SLC8A1: variants seen among roughly 807,000 people sequenced by gnomAD.
The protein encoded by SLC8A1 is sodium/calcium exchanger 1.
SLC8A1 carries 18 observed loss-of-function variants against 68.3 expected under a neutral mutation model. The observed-to-expected ratio is 0.26, with a 90% confidence interval of 0.18 to 0.39. The LOEUF is 0.39. SLC8A1 is among the 10% of genes least tolerant of loss of function. SLC8A1 has a pLI of 1.00. For synonymous variants in SLC8A1, 475 were observed against 415.5 expected, an observed-to-expected ratio of 1.14 and a Z score of -1.74; for missense variants, 985 against 1,156.7, an observed-to-expected ratio of 0.85 and a Z score of 2.15.
chr2:40,241,081 A>G (rs113822062), intron 2 of SLC8A1, among the ~76,000 whole-genome samples: 2,252 of 152,310 alleles, frequency 0.015, 61 homozygotes, highest in African/African-American at 0.05. Context: ...CACAATAGCA[A>G]AGGCATGGAA....
chr2:40,457,982 G>A (rs1359586742), intron 1 of SLC8A1, among the ~76,000 whole-genome samples: 1 of 152,154 alleles, frequency 6.6e-6, no homozygotes, highest in Non-Finnish European at 1.5e-5. Flanking sequence ...ACTGAAAGCT[G>A]GGTCCTACCC....
chr2:40,352,687 C>G (rs1009169724), intron 2 of SLC8A1, among the ~76,000 whole-genome samples: 2 of 152,228 alleles, frequency 1.3e-5, no homozygotes, highest in African/African-American at 4.8e-5. Context: ...AGTCGGCCTA[C>G]TCAGCCTCTT....
intron 1 of SLC8A1, among the ~76,000 whole-genome samples, chr2:40,506,030 C>T (rs1024402140): frequency 2.4e-4 from 37 of 151,582 alleles, no homozygotes; most frequent in Non-Finnish European, 4.4e-4. Context: ...CAGAATTTCT[C>T]AGAGCTAGTC....
intron 1 of SLC8A1, among the ~76,000 whole-genome samples, chr2:40,431,508 C>G (rs927241134): frequency 6.6e-6 from 1 of 152,034 alleles, no homozygotes; most frequent in Admixed American, 6.6e-5. Context: ...CACCCACCAG[C>G]TCAAGCAAAA....
At chr2:40,386,713 C>T (rs895818354) in intron 2 of SLC8A1, among the ~76,000 whole-genome samples, 6 of 150,294 alleles carry the variant, frequency 4.0e-5, no homozygotes, top group Non-Finnish European at 5.9e-5. Context: ...TCCATATATT[C>T]ATGTACGGAA....
intron 2 of SLC8A1, among the ~76,000 whole-genome samples, chr2:40,302,331 GT>G (rs1386380331): frequency 6.6e-6 from 1 of 151,400 alleles, no homozygotes; most frequent in Non-Finnish European, 1.5e-5. Flanking sequence ...ATGATCTTTG[GT>G]TTTCTATTCC....
At chr2:40,255,173 AAAC>A (rs1254167446) in intron 2 of SLC8A1, 3 of 152,214 alleles carry the variant, frequency 2.0e-5, no homozygotes, top group African/African-American at 4.8e-5. Context: ...TTAACATGAC[AAAC>A]AACAAGGAAT....
At chr2:40,266,270 G>C (rs183564928) in intron 2 of SLC8A1, among the ~76,000 whole-genome samples, 2 of 152,066 alleles carry the variant, frequency 1.3e-5, no homozygotes, top group Non-Finnish European at 2.9e-5. Context: ...TCTCCATCTT[G>C]CCAGCCTGAG....
chr2:40,396,720 C>G (rs1052860901), intron 2 of SLC8A1, among the ~76,000 whole-genome samples: 1 of 134,562 alleles, frequency 7.4e-6, no homozygotes, highest in Non-Finnish European at 1.5e-5. Flanking sequence ...TAAGCAGCAT[C>G]CTTTTAACCT....
chr2:40,399,567 AT>A (rs2149645902), intron 2 of SLC8A1, among the ~76,000 whole-genome samples: 1 of 152,172 alleles, frequency 6.6e-6, no homozygotes, highest in East Asian at 1.9e-4. Flanking sequence ...GCAATTTTTA[AT>A]CTAACTCTTA....
chr2:40,455,921 A>T (rs1456956723), upstream of SLC8A1, among the ~76,000 whole-genome samples: 1 of 151,356 alleles, frequency 6.6e-6, no homozygotes, highest in African/African-American at 2.4e-5. Context: ...TCCTCTCTGC[A>T]TTACCGTGGG....
chr2:40,328,772 C>T (rs1191125836), intron 2 of SLC8A1, among the ~76,000 whole-genome samples: 2 of 152,070 alleles, frequency 1.3e-5, no homozygotes, highest in Non-Finnish European at 2.9e-5. Flanking sequence ...CAGTGACTTC[C>T]AATTTCCTCC....
intron 2 of SLC8A1, among the ~76,000 whole-genome samples, chr2:40,284,848 CCACTT>C (rs1475196406): frequency 6.6e-6 from 1 of 151,942 alleles, no homozygotes; most frequent in Admixed American, 6.6e-5. Context: ...GATGCTGTAT[CCACTT>C]CTTCAAGAGG....
Position 40,148,499 on chromosome 2 carries a change from C to A in SLC8A1, c.2162-8823G>T, listed in dbSNP as rs879322024. Among the ~76,000 whole-genome samples the A allele has an allele frequency of 2.0e-5, 3 of 152,196 alleles. No individual in the cohort carries two copies. In the East Asian group the frequency reaches 5.8e-4, roughly 29 times the overall value. On this transcript the variant is annotated intron_variant, in intron 6 of 7. Coordinates refer to ENST00000406785, the Ensembl canonical transcript of SLC8A1. The stretch of plus-strand genomic sequence containing the variant: ...GTGGTGATGCAAATTGAGTAACAGT[C>A]TAATGATGGCCTCGGTTTGCACAAT...
intron 2 of SLC8A1, among the ~76,000 whole-genome samples, chr2:40,339,056 C>G (rs1010731379): frequency 1.3e-5 from 2 of 152,206 alleles, no homozygotes; most frequent in African/African-American, 2.4e-5. Flanking sequence ...ACCCACAACT[C>G]AGATCACATA....
chr2:40,379,128 AC>A (rs1309020816), intron 2 of SLC8A1, among the ~76,000 whole-genome samples: 3 of 152,120 alleles, frequency 2.0e-5, no homozygotes, highest in African/African-American at 7.2e-5. Context: ...AAATGCAAAT[AC>A]CTAAAATCCC....
chr2:40,178,901 C>G (rs1298278457), intron 2 of SLC8A1, among the ~76,000 whole-genome samples: 2 of 152,150 alleles, frequency 1.3e-5, no homozygotes, highest in South Asian at 4.1e-4. Flanking sequence ...AAAATCCCAT[C>G]AAGATATTAA....
At chr2:40,446,469 T>A (rs1317503832) in intron 1 of SLC8A1, 1 of 152,230 alleles carries the variant, frequency 6.6e-6, no homozygotes, top group Non-Finnish European at 1.5e-5. Flanking sequence ...GCTAGCCTTA[T>A]TTGCTTTCAA....
chr2:40,107,450 GGCAGA>G (rs1335966848), exon 8 of SLC8A1: 1 of 151,788 alleles, frequency 6.6e-6, no homozygotes, highest in African/African-American at 2.4e-5. Flanking sequence ...TTTCCCAAAA[GGCAGA>G]GGGCAATTAA....
Sources: allele counts gnomAD v4.1 joint callset (sites outside exome capture counted in the v4.1 genomes callset), GRCh38; gene constraint gnomAD v4.1.1; transcripts MANE v1.5; gene names NCBI Gene and HGNC (gene_info 2026-07-23, HGNC 2026-07-21).